COL17A1: variants seen among roughly 807,000 people sequenced by gnomAD.
COL17A1 encodes collagen type XVII alpha 1 chain.
Under a neutral mutation model 218.4 loss-of-function variants are expected in COL17A1, and 181 were observed. The observed-to-expected ratio is 0.83, with a 90% CI of 0.73 to 0.94. The LOEUF (loss-of-function observed/expected upper bound fraction) is 0.94, where lower values mean the gene tolerates loss of function less well. Ranked by LOEUF, COL17A1 falls within the 40% of genes least tolerant of loss-of-function variation. The pLI, the probability that COL17A1 is intolerant of heterozygous loss-of-function variation, is 0.00. For missense variants in COL17A1, 1,924 were observed against 1,945.9 expected (o/e 0.99, Z 0.21); for synonymous variants, 721 against 731.0 (o/e 0.99, Z 0.22).
At chr10:104,066,566 G>A (rs1028994377) in intron 9 of COL17A1, among the ~76,000 whole-genome samples, 1 of 152,002 alleles carries the variant, frequency 6.6e-6, no homozygotes, top group Non-Finnish European at 1.5e-5. Context: ...CCATGCTCCC[G>A]CTTCAAGAGG....
intron 7 of COL17A1, 97 bp downstream of exon 7, chr10:104,073,113 G>A (rs1052366936): frequency 1.8e-6 from 2 of 1,108,342 alleles, no homozygotes; most frequent in East Asian, 4.7e-5. Context: ...TTATTCTTCT[G>A]TACTCCTTAC....
intron 9 of COL17A1, among the ~76,000 whole-genome samples, 198 bp downstream of exon 9, chr10:104,070,228 T>G (rs1245478973): frequency 6.6e-6 from 1 of 152,214 alleles, no homozygotes; most frequent in Non-Finnish European, 1.5e-5. Context: ...CAAAGGCAGC[T>G]GTCACAAGCA....
At chr10:104,046,192 A>G (rs973944325) in intron 32 of COL17A1, among the ~76,000 whole-genome samples, 2 of 152,196 alleles carry the variant, frequency 1.3e-5, no homozygotes, top group African/African-American at 2.4e-5. Flanking sequence ...CTGTAAGAGC[A>G]TTGGAAGCAT....
chr10:104,073,133 C>T, intron 7 of COL17A1, 77 bp downstream of exon 7: 1 of 1,353,944 alleles, frequency 7.4e-7, no homozygotes, highest in South Asian at 1.2e-5. Flanking sequence ...CACTCCCTGG[C>T]TCAAGGCTGG....
intron 47 of COL17A1, 140 bp from the exon 48 acceptor site, chr10:104,036,772 T>TCCCCCCTGAACACCG: frequency 1.8e-6 from 2 of 1,082,278 alleles, no homozygotes; most frequent in Non-Finnish European, 2.7e-6. Context: ...GACCACGGTG[T>TCCCCCCTGAACACCG]TCAGGGGGGA....
intron 31 of COL17A1, among the ~76,000 whole-genome samples, chr10:104,047,159 A>G (rs1476553348): frequency 6.6e-6 from 1 of 152,048 alleles, no homozygotes; most frequent in Admixed American, 6.6e-5. Context: ...CCCTACTCTC[A>G]GAGGCCCCCG....
intron 48 of COL17A1, 121 bp from the exon 49 acceptor site, chr10:104,035,684 G>A: frequency 2.5e-6 from 2 of 788,106 alleles, no homozygotes; most frequent in Non-Finnish European, 4.1e-6. Context: ...AAGAGATGGT[G>A]GCAGGAAGAG....
intron 34 of COL17A1, 76 bp from the exon 35 acceptor site, chr10:104,043,657 G>A: frequency 2.6e-6 from 4 of 1,547,786 alleles, no homozygotes; most frequent in Non-Finnish European, 3.6e-6. Context: ...GCCAGGTTGT[G>A]GTGGGCAGCC....
chr10:104,076,891 GT>G (rs2086715712), intron 4 of COL17A1, among the ~76,000 whole-genome samples: 1 of 152,102 alleles, frequency 6.6e-6, no homozygotes, highest in Admixed American at 6.6e-5. Flanking sequence ...TTTTGTTTTA[GT>G]TTGAAAGAGT....
intron 9 of COL17A1, among the ~76,000 whole-genome samples, chr10:104,070,038 T>C (rs1475314637): frequency 1.3e-5 from 2 of 152,186 alleles, no homozygotes; most frequent in Non-Finnish European, 2.9e-5. Flanking sequence ...TAGGGGTGGA[T>C]ATGGTTAGGA....
At chr10:104,034,904 A>G (rs1401395476) in intron 50 of COL17A1, 137 bp from the exon 51 acceptor site, 5 of 1,089,158 alleles carry the variant, frequency 4.6e-6, no homozygotes, top group Non-Finnish European at 6.6e-6. Flanking sequence ...GGGAGGAGAG[A>G]AAAGCAGGAG....
intron 27 of COL17A1, 76 bp downstream of exon 27, chr10:104,050,545 T>C: frequency 6.2e-7 from 1 of 1,610,104 alleles, no homozygotes; most frequent in African/African-American, 1.3e-5. Context: ...CCTCAGACCC[T>C]ACAGTGAGGG....
intron 35 of COL17A1, 53 bp from the exon 36 acceptor site, chr10:104,042,508 G>A (rs2086370357): frequency 1.3e-6 from 2 of 1,584,568 alleles, no homozygotes; most frequent in African/African-American, 2.7e-5. Flanking sequence ...AGGGTCATAG[G>A]AAGAACTAAA....
chr10:104,047,933 G>C, intron 30 of COL17A1, 123 bp from the exon 31 acceptor site: 1 of 1,377,464 alleles, frequency 7.3e-7, no homozygotes, highest in Non-Finnish European at 1.0e-6. Context: ...GAAAGGAGAA[G>C]GGGAACAGAA....
rs569265127 is a variant in COL17A1 at position 104,051,535 on chromosome 10, C to G, written c.2003-19G>C. On this transcript the variant is annotated intron_variant, in intron 24 of 55. Coordinates refer to ENST00000648076, the MANE Select transcript of COL17A1 (RefSeq NM_000494.4). ...CTGGAACCTGAGAAGGAGGACAAGACAGCAATCAGCAGAGGGGCAGATACA... is the reference window on the plus strand; with the variant it reads ...CTGGAACCTGAGAAGGAGGACAAGAGAGCAATCAGCAGAGGGGCAGATACA... 2.5e-6 allele frequency: 4 copies of G among 1,613,918 alleles called. No homozygotes were observed. Among genetic ancestry groups the G allele is most frequent in the Admixed American group, 1.7e-5 (1 of 60,014 alleles).
chr10:104,076,542 G>A, intron 4 of COL17A1, 113 bp from the exon 5 acceptor site: 2 of 1,465,064 alleles, frequency 1.4e-6, no homozygotes, highest in Non-Finnish European at 1.9e-6. Context: ...CTTCGGGAGG[G>A]CACAGCTGAA....
Position 104,039,988 on chromosome 10 carries a change from G to T in COL17A1, c.2773C>A (p.Pro925Thr). The T allele has an allele frequency of 1.9e-6, 3 of 1,614,120 alleles. No individual in the cohort carries two copies. Among genetic ancestry groups the T allele is most frequent in the Non-Finnish European group, 2.5e-6 (3 of 1,180,046 alleles). Residue 925 changes from proline (P) to threonine (T), a missense_variant, in exon 41 of 56, where the codon CCC (proline) becomes ACC (threonine). Coordinates refer to ENST00000648076, the MANE Select transcript of COL17A1 (RefSeq NM_000494.4). Reference protein sequence around the residue: ...GPKGDQGPPGPRGHQGEQGLP... With the variant: ...GPKGDQGPPGTRGHQGEQGLP... ...TCTACTGTACCTTGGTGTCCTCTGG[G>T]GCCTGGGGGACCTGAGGGAAAAAGG...
At chr10:104,041,187 G>A (rs372267570) in intron 38 of COL17A1, 69 bp from the exon 39 acceptor site, 1 of 1,607,996 alleles carries the variant, frequency 6.2e-7, no homozygotes, top group South Asian at 1.1e-5. Context: ...CTCAGGAGGA[G>A]GCAGCAGGGA....
In COL17A1 at chr10:104,064,446, G is replaced by T. The variant is rs146016251; in HGVS notation, c.758C>A (p.Ala253Glu). The change falls in exon 10 of 56, where the codon GCG becomes GAG. Residue 253 changes from alanine to glutamate, a missense_variant. Physicochemically the swap from Ala to Glu is moderately radical, Grantham distance 107. Coordinates refer to ENST00000648076, the MANE Select transcript of COL17A1 (RefSeq NM_000494.4). ...GGCTGCCCGCCAGGTACCTGATCCC[G>T]CAGAGTAGGCATTGGTGTTGAGGAG... ...SSLLNTNAYSAGSVFGVPNNM... is the reference protein window; with the variant it reads ...SSLLNTNAYSEGSVFGVPNNM... 6 of 1,613,984 alleles carry T rather than the reference G, an allele frequency of 3.7e-6. No homozygotes were observed. The highest frequency in any genetic ancestry group is 1.1e-5 in the South Asian group (1 of 91,076).
Sources: gnomAD v4.1 joint callset for allele counts (sites outside exome capture counted in the v4.1 genomes callset) on GRCh38, gnomAD v4.1.1 for gene constraint, MANE v1.5 for transcripts, NCBI Gene and HGNC (gene_info 2026-07-23, HGNC 2026-07-21) for gene names.